NRG4: variants seen among roughly 807,000 people sequenced by gnomAD.
NRG4 encodes the protein pro-neuregulin-4, membrane-bound isoform.
In NRG4, 10 loss-of-function variants were observed where a neutral mutation model predicts 15.0. The ratio of observed to expected loss-of-function variants is 0.67; its 90% CI spans 0.41 to 1.13. NRG4 has a LOEUF of 1.13. Among genes scored for constraint, NRG4 ranks in the 50% most tolerant of loss-of-function variants. The probability of loss-of-function intolerance (pLI) is 0.00; values close to 1 mark genes in which losing one functional copy is unlikely to be tolerated. For synonymous variants in NRG4, 41 were observed against 50.1 expected (o/e 0.82, Z 0.77); for missense variants, 139 against 140.2 (o/e 0.99, Z 0.04).
At chr15:76,000,263 G>A (rs2034363717) in intron 3 of NRG4, among the ~76,000 whole-genome samples, 1 of 151,920 alleles carries the variant, frequency 6.6e-6, no homozygotes, top group African/African-American at 2.4e-5. Context: ...AGTAAAACCA[G>A]AAAACAACTG....
intron 4 of NRG4, among the ~76,000 whole-genome samples, chr15:75,957,281 T>G (rs1216132465): frequency 6.6e-6 from 1 of 152,346 alleles, no homozygotes. Context: ...CATATATCCT[T>G]CAGGCAGAAG....
At chr15:76,018,749 T>G (rs1276225821) in intron 5 of NRG4, among the ~76,000 whole-genome samples, 1 of 152,176 alleles carries the variant, frequency 6.6e-6, no homozygotes, top group Non-Finnish European at 1.5e-5. Flanking sequence ...AGCTCTCCTG[T>G]ATGAGGTGTC....
chr15:76,017,702 G>C (rs2035026772), intron 5 of NRG4, among the ~76,000 whole-genome samples: 1 of 152,204 alleles, frequency 6.6e-6, no homozygotes, highest in African/African-American at 2.4e-5. Context: ...GAGATCTGCT[G>C]CTAATCTGAT....
At chr15:76,023,851 T>C (rs2035231375) in intron 5 of NRG4, among the ~76,000 whole-genome samples, 1 of 152,174 alleles carries the variant, frequency 6.6e-6, no homozygotes, top group Admixed American at 6.5e-5. Flanking sequence ...AGTCTAGCAG[T>C]CCTACCCAGG....
At position 76,054,611 on chromosome 15, in the gene NRG4, C is replaced by G. The variant is rs189233627; in HGVS notation, c.-261-1628G>C. Among the ~76,000 whole-genome samples, 581 of 152,244 alleles carry G rather than the reference C, an allele frequency of 3.8e-3. 2 individuals carry two copies. The highest frequency in any genetic ancestry group is 0.013 in the African/African-American group (554 of 41,530). ...TGTATTTTCAGTAGAGACAGAGTTT[C>G]GCCATGTTGGCCAGGCTGGTCTCAA... is the stretch of plus-strand genomic sequence containing the variant. On this transcript the variant is annotated intron_variant, in intron 2 of 8. Coordinates refer to the NRG4 transcript ENST00000563910.
chr15:75,988,851 TCC>T (rs1567094136), intron 3 of NRG4, among the ~76,000 whole-genome samples: 1 of 138,298 alleles, frequency 7.2e-6, no homozygotes, highest in African/African-American at 2.7e-5. Context: ...TCCTGCACCT[TCC>T]TTTTTTTTTT....
chr15:76,044,735 T>C (rs2035829251), intron 4 of NRG4, among the ~76,000 whole-genome samples: 1 of 147,564 alleles, frequency 6.8e-6, no homozygotes, highest in South Asian at 2.1e-4. Context: ...CTTGGGAGGC[T>C]GAGGCTGAGG....
chr15:75,987,058 C>T (rs527937387), intron 3 of NRG4, among the ~76,000 whole-genome samples: 31 of 152,258 alleles, frequency 2.0e-4, no homozygotes, highest in African/African-American at 7.2e-4. Context: ...AAAAGCCTGG[C>T]CTCCAAATCC....
intron 4 of NRG4, among the ~76,000 whole-genome samples, chr15:75,956,424 G>A (rs1427415818): frequency 6.6e-6 from 1 of 152,094 alleles, no homozygotes; most frequent in African/African-American, 2.4e-5. Flanking sequence ...TTCTAGTAAT[G>A]GCATTTTAAA....
chr15:76,017,548 G>A (rs1202840995), intron 5 of NRG4, among the ~76,000 whole-genome samples: 1 of 152,060 alleles, frequency 6.6e-6, no homozygotes, highest in Admixed American at 6.6e-5. Flanking sequence ...AAATCTCTCA[G>A]CATTTGCTTG....
chr15:75,957,530 G>GTTCTCT, intron 4 of NRG4, among the ~76,000 whole-genome samples: 1 of 148,352 alleles, frequency 6.7e-6, no homozygotes, highest in Admixed American at 6.9e-5. Context: ...CTTTTGTGAT[G>GTTCTCT]TTCTCTTTAG....
chr15:76,001,827 T>C (rs1410070662), intron 3 of NRG4, among the ~76,000 whole-genome samples: 1 of 152,168 alleles, frequency 6.6e-6, no homozygotes, highest in Admixed American at 6.5e-5. Flanking sequence ...TGTGAACATA[T>C]TATCTATTTT....
upstream of NRG4, among the ~76,000 whole-genome samples, chr15:76,013,559 A>G (rs1267350667): frequency 6.6e-6 from 1 of 151,166 alleles, no homozygotes; most frequent in Admixed American, 6.6e-5. Context: ...ATGTATTCTC[A>G]TTGTTCAATT....
chr15:75,952,251 C>T (rs1010246820), intron 5 of NRG4, among the ~76,000 whole-genome samples: 13 of 152,192 alleles, frequency 8.5e-5, no homozygotes, highest in Non-Finnish European at 1.3e-4. Context: ...CCCCCATTTC[C>T]TCCAATCCTA....
chr15:76,032,322 G>A (rs912228826), intron 5 of NRG4, among the ~76,000 whole-genome samples: 1 of 152,042 alleles, frequency 6.6e-6, no homozygotes, highest in African/African-American at 2.4e-5. Flanking sequence ...AAAATATTGT[G>A]TACAAAGCCA....
chr15:76,028,098 T>C (rs766640282), intron 5 of NRG4, among the ~76,000 whole-genome samples: 9 of 151,680 alleles, frequency 5.9e-5, no homozygotes, highest in Non-Finnish European at 1.2e-4. Context: ...AATTTAATGA[T>C]GCATCTCAAG....
intron 5 of NRG4, chr15:75,950,381 A>G (rs1425299057): frequency 5.5e-6 from 1 of 182,952 alleles, no homozygotes; most frequent in Non-Finnish European, 1.2e-5. Flanking sequence ...TTCTTGGAGA[A>G]AAGGAAAGGA....
At chr15:76,004,901 T>C (rs1329173282) in intron 3 of NRG4, among the ~76,000 whole-genome samples, 1 of 152,170 alleles carries the variant, frequency 6.6e-6, no homozygotes, top group African/African-American at 2.4e-5. Flanking sequence ...CCAACCCCCA[T>C]GCAGTCAAAA....
intron 3 of NRG4, among the ~76,000 whole-genome samples, chr15:76,001,216 C>T (rs1350789325): frequency 6.6e-6 from 1 of 151,950 alleles, no homozygotes; most frequent in African/African-American, 2.4e-5. Context: ...TGGTCTCAAA[C>T]TCCTGGCCTC....
Sources: gnomAD v4.1 joint callset for allele counts (sites outside exome capture counted in the v4.1 genomes callset) on GRCh38, gnomAD v4.1.1 for gene constraint, MANE v1.5 for transcripts, NCBI Gene and HGNC (gene_info 2026-07-23, HGNC 2026-07-21) for gene names.